TICRR: variants seen among roughly 807,000 people sequenced by gnomAD.
TICRR encodes the protein TOPBP1 interacting checkpoint and replication regulator.
Under a neutral mutation model 178.1 loss-of-function variants are expected in TICRR, and 132 were observed. The observed-to-expected ratio is 0.74, with a 90% confidence interval of 0.64 to 0.86. The LOEUF (loss-of-function observed/expected upper bound fraction) is 0.86. Ranked by LOEUF, TICRR falls within the 40% of genes least tolerant of loss-of-function variation. The probability of loss-of-function intolerance (pLI) is 0.00; values close to 1 mark genes in which losing one functional copy is unlikely to be tolerated. For synonymous variants in TICRR, 991 were observed against 900.7 expected (o/e 1.10, Z -1.79); for missense variants, 2,587 against 2,334.3 (o/e 1.11, Z -2.23).
chr15:89,626,931 G>C, intron 21 of TICRR, 25 bp from the exon 22 acceptor site: 3 of 1,611,080 alleles, frequency 1.9e-6, no homozygotes, highest in Non-Finnish European at 2.5e-6. Flanking sequence ...ACTCCTGCAT[G>C]CTAAGCCTTT....
At chr15:89,611,567 T>C (rs571230163) in intron 15 of TICRR, among the ~76,000 whole-genome samples, 2 of 152,342 alleles carry the variant, frequency 1.3e-5, no homozygotes, top group South Asian at 2.1e-4. Context: ...CAAAAAATTT[T>C]CTGCCACTTT....
chr15:89,621,524 G>T lies in TICRR; in HGVS notation c.3286G>T (p.Asp1096Tyr), dbSNP rs772377024. 1 of 1,613,386 alleles carries T rather than the reference G, an allele frequency of 6.2e-7. No homozygotes were observed. Among genetic ancestry groups the T allele is most frequent in the Admixed American group, 1.7e-5 (1 of 59,812 alleles). ...GAAAAAGCGTTCAAGAAACACTTTGGATTCGGAGGTACCTGCAGCTTACCA... is the reference window on the plus strand; with the variant it reads ...GAAAAAGCGTTCAAGAAACACTTTGTATTCGGAGGTACCTGCAGCTTACCA... ...RMKKRSRNTL[D>Y]SEVPAAYQTP... The change falls in exon 19 of 22, where the codon GAT (aspartate) becomes TAT (tyrosine). Residue 1096 changes from aspartate to tyrosine, a missense_variant. Transcript: ENST00000268138.
At chr15:89,592,535 T>C (rs1056001337) in intron 5 of TICRR, among the ~76,000 whole-genome samples, 67 of 152,176 alleles carry the variant, frequency 4.4e-4, no homozygotes, top group African/African-American at 1.5e-3. Flanking sequence ...AAAGAAGTAT[T>C]TGCAGACCGT....
At chr15:89,590,162 G>A (rs537981474) in intron 4 of TICRR, among the ~76,000 whole-genome samples, 6 of 152,250 alleles carry the variant, frequency 3.9e-5, no homozygotes, top group Admixed American at 6.5e-5. Flanking sequence ...GAAAGTGCAC[G>A]TGGCCAAACA....
At chr15:89,611,055 A>G (rs1963249197) in intron 15 of TICRR, among the ~76,000 whole-genome samples, 1 of 152,038 alleles carries the variant, frequency 6.6e-6, no homozygotes, top group African/African-American at 2.4e-5. Flanking sequence ...TAGGGTTTAA[A>G]AAAAAAACAA....
chr15:89,583,187 T>A (rs749338009), intron 2 of TICRR, among the ~76,000 whole-genome samples: 2 of 152,122 alleles, frequency 1.3e-5, no homozygotes, highest in Non-Finnish European at 2.9e-5. Context: ...AAAAAACAAG[T>A]GAATGATTGA....
intron 18 of TICRR, among the ~76,000 whole-genome samples, chr15:89,620,694 C>T (rs376181224): frequency 6.6e-6 from 1 of 152,064 alleles, no homozygotes; most frequent in African/African-American, 2.4e-5. Context: ...CTTTTATGAA[C>T]TGGCTGGGTT....
intron 12 of TICRR, 121 bp from the exon 13 acceptor site, chr15:89,602,675 A>G: frequency 2.1e-6 from 1 of 485,148 alleles, no homozygotes; most frequent in Non-Finnish European, 3.3e-6. Flanking sequence ...ACCCAGAACA[A>G]CCTTAAGATA....
At position 89,625,672 on chromosome 15, in the gene TICRR, A is replaced by G. The variant is rs753682486; in HGVS notation, c.5362A>G (p.Lys1788Glu). The G allele has an allele frequency of 5.0e-6, 8 of 1,613,674 alleles. No individual in the cohort carries two copies. In the East Asian group the frequency reaches 1.3e-4, roughly 27 times the overall value. ...LAKEEADRGAKRICDLREDSE... is the reference protein window; with the variant it reads ...LAKEEADRGAERICDLREDSE... ...CAAGGAAGAAGCTGACCGTGGAGCCAAAAGGATCTGTGACCTGAGAGAAGA... is the reference window on the plus strand; with the variant it reads ...CAAGGAAGAAGCTGACCGTGGAGCCGAAAGGATCTGTGACCTGAGAGAAGA... Residue 1788 changes from lysine (K) to glutamate (E), a missense_variant, in exon 20 of 22, where the codon AAA becomes GAA. Coordinates refer to ENST00000268138, the MANE Select transcript of TICRR (RefSeq NM_152259.4).
chr15:89,600,725 A>G (rs927538738), intron 9 of TICRR, 40 bp downstream of exon 9: 3 of 992,696 alleles, frequency 3.0e-6, no homozygotes, highest in Non-Finnish European at 4.6e-6. Flanking sequence ...TCACTCTAAA[A>G]GCTGTGAGAT....
At chr15:89,599,521 G>A in intron 8 of TICRR, 46 bp downstream of exon 8, 2 of 1,573,690 alleles carry the variant, frequency 1.3e-6, no homozygotes, top group East Asian at 4.5e-5. Flanking sequence ...GTAGTGGTTG[G>A]TTGGTTGGTT....
chr15:89,592,351 AAT>A (rs780752125), intron 5 of TICRR, among the ~76,000 whole-genome samples, 175 bp downstream of exon 5: 1 of 152,184 alleles, frequency 6.6e-6, no homozygotes, highest in Non-Finnish European at 1.5e-5. Context: ...TTAGCTAGAT[AAT>A]ATGTTAACAA....
At chr15:89,592,371 A>G (rs1962927947) in intron 5 of TICRR, among the ~76,000 whole-genome samples, 195 bp downstream of exon 5, 1 of 152,184 alleles carries the variant, frequency 6.6e-6, no homozygotes, top group Non-Finnish European at 1.5e-5. Context: ...CAATATATAA[A>G]TATATACCTG....
At chr15:89,619,250 G>C (rs1195826428) in intron 17 of TICRR, among the ~76,000 whole-genome samples, 11 of 121,890 alleles carry the variant, frequency 9.0e-5, no homozygotes, top group Non-Finnish European at 1.6e-4. Flanking sequence ...TGGTGAGACA[G>C]ACTCTTGCTC....
intron 5 of TICRR, 56 bp from the exon 6 acceptor site, chr15:89,594,359 A>G: frequency 6.8e-7 from 1 of 1,475,926 alleles, no homozygotes; most frequent in East Asian, 2.4e-5. Context: ...TGTTATTTCT[A>G]AAGCATTTTG....
rs763976601 is a variant in TICRR, at chr15:89,600,618, T to C, written c.2086T>C (p.Leu696=). 1.0e-5 allele frequency: 16 copies of C among 1,597,804 alleles called. 1 individual carries two copies. In the South Asian group the frequency reaches 1.7e-4, roughly 17 times the overall value. Reference sequence around the variant, plus strand: ...CCTGAATCAAGTAAAAAGTAGTCTCTTAAAAACTAGTAAAAGTCTTCGACA... The same window carrying C: ...CCTGAATCAAGTAAAAAGTAGTCTCCTAAAAACTAGTAAAAGTCTTCGACA... ...NCLNQVKSSL[L]KTSKSLRQNL... The change falls in exon 9 of 22, where the codon TTA becomes CTA. Residue 696 remains leucine, a synonymous_variant. Coordinates refer to ENST00000268138, the MANE Select transcript of TICRR (RefSeq NM_152259.4).
In TICRR at chr15:89,601,954, A is replaced by G; in HGVS notation, c.2545A>G (p.Thr849Ala). 6.2e-7 allele frequency: 1 copy of G among 1,614,180 alleles called. No individual in the cohort carries two copies. Among genetic ancestry groups the G allele is most frequent in the South Asian group, 1.1e-5 (1 of 91,078 alleles). ...ATCTGATGAACTGCAGGAACTTCGT[A>G]CCAGATCAGCCAAGAAGAGAAGGTA... Reference protein sequence around the residue: ...PESDELQELRTRSAKKRRKNA... With the variant: ...PESDELQELRARSAKKRRKNA... The change falls in exon 12 of 22, where the codon ACC becomes GCC. Residue 849 changes from threonine (T) to alanine (A), a missense_variant. Transcript: ENST00000268138.
chr15:89,601,849 A>G lies in TICRR; in HGVS notation c.2440A>G (p.Met814Val), dbSNP rs1017840326. ...LPTDFFSDDS[M>V]TQENKSPLLS... Reference sequence around the variant, plus strand: ...TACAGATTTTTTCAGTGATGACTCCATGACACAAGAGAACAAATCACCACT... The same window carrying G: ...TACAGATTTTTTCAGTGATGACTCCGTGACACAAGAGAACAAATCACCACT... The change falls in exon 12 of 22, where the codon ATG becomes GTG. Residue 814 changes from methionine (M) to valine (V), a missense_variant. Physicochemically the swap from Met to Val is conservative, Grantham distance 21 (BLOSUM62 1). Coordinates refer to ENST00000268138, the MANE Select transcript of TICRR (RefSeq NM_152259.4). 6.2e-7 allele frequency: 1 copy of G among 1,614,160 alleles called. No individual in the cohort carries two copies. Among genetic ancestry groups the G allele is most frequent in the Non-Finnish European group, 8.5e-7 (1 of 1,180,016 alleles).
At chr15:89,577,853 C>T (rs879640317) in intron 1 of TICRR, among the ~76,000 whole-genome samples, 5 of 151,732 alleles carry the variant, frequency 3.3e-5, no homozygotes, top group East Asian at 1.9e-4. Flanking sequence ...TCAGGCAGTC[C>T]GCCAACCTCA....
Sources: gnomAD v4.1 joint callset for allele counts (sites outside exome capture counted in the v4.1 genomes callset) on GRCh38, gnomAD v4.1.1 for gene constraint, MANE v1.5 for transcripts, NCBI Gene and HGNC (gene_info 2026-07-23, HGNC 2026-07-21) for gene names.